CYP7A1: variants seen among roughly 807,000 people sequenced by gnomAD.
The protein encoded by CYP7A1 is cytochrome P450 7A1.
In CYP7A1, 28 loss-of-function variants were observed where a neutral mutation model predicts 43.8. The observed-to-expected ratio is 0.64, with a 90% CI of 0.47 to 0.88. CYP7A1 has a LOEUF of 0.88. Among genes scored for constraint, CYP7A1 ranks in the 40% least tolerant of loss-of-function variants. CYP7A1 has a pLI of 0.00. For missense variants in CYP7A1, 637 were observed against 611.9 expected (o/e 1.04, Z -0.43); for synonymous variants, 227 against 222.5 (o/e 1.02, Z -0.18).
chr8:58,498,000 C>A lies in CYP7A1; in HGVS notation c.321+229G>T, dbSNP rs562826590. ...GTAGAGCATTTAATCTGTATTTCAC[C>A]CTCATTAGCTCGTCAACAAATGACA... is the stretch of plus-strand genomic sequence containing the variant. On this transcript the variant is annotated intron_variant, in intron 2 of 5. Coordinates refer to ENST00000301645, the MANE Select transcript of CYP7A1 (RefSeq NM_000780.4). 2.0e-5 allele frequency among the ~76,000 whole-genome samples: 3 copies of A among 152,254 alleles called. No homozygotes were observed. In the South Asian group the frequency reaches 6.2e-4, roughly 32 times the overall value.
In CYP7A1 at chr8:58,497,089, G is replaced by C. The variant is rs1448734327; in HGVS notation, c.423C>G (p.Leu141=). The change falls in exon 3 of 6, where the codon CTC becomes CTG. Residue 141 remains leucine, a synonymous_variant. Coordinates refer to ENST00000301645, the MANE Select transcript of CYP7A1 (RefSeq NM_000780.4). The stretch of plus-strand genomic sequence containing the variant: ...GGAGGTTTTCCATCATGCTTTCCGT[G>C]AGGGAATTCAAGGCATGGCCCTGCA... The part of the protein sequence containing the change: ...KTLQGHALNS[L]TESMMENLQR... The C allele has an allele frequency of 1.2e-6, 2 of 1,601,274 alleles. No homozygotes were observed. Among genetic ancestry groups the C allele is most frequent in the African/African-American group, 2.7e-5 (2 of 74,916 alleles).
chr8:58,499,480 C>A (rs1169355068), intron 1 of CYP7A1, among the ~76,000 whole-genome samples: 1 of 152,190 alleles, frequency 6.6e-6, no homozygotes, highest in African/African-American at 2.4e-5. Context: ...AGCAAACTTT[C>A]CCAATTCACC....
intron 3 of CYP7A1, 61 bp downstream of exon 3, chr8:58,496,543 A>G: frequency 7.3e-7 from 1 of 1,366,474 alleles, no homozygotes; most frequent in South Asian, 1.2e-5. Context: ...TTAAAGTTAA[A>G]GTGGTTTAAT....
chr8:58,492,333 T>A lies in CYP7A1; in HGVS notation c.1215+20A>T, dbSNP rs1345732844. ...GGTAGCTATCACCTGGATATTGAAT[T>A]TCAATGGGCAGGCACTTACCAAAGG... On this transcript the variant is annotated intron_variant, in intron 5 of 5. Coordinates refer to ENST00000301645, the MANE Select transcript of CYP7A1 (RefSeq NM_000780.4). 1 of 1,598,984 alleles carries A rather than the reference T, an allele frequency of 6.3e-7. No homozygotes were observed. Among genetic ancestry groups the A allele is most frequent in the Non-Finnish European group, 8.6e-7 (1 of 1,166,374 alleles).
intron 5 of CYP7A1, 84 bp downstream of exon 5, chr8:58,492,269 C>A: frequency 8.7e-7 from 1 of 1,153,378 alleles, no homozygotes; most frequent in East Asian, 2.3e-5. Flanking sequence ...ATGATAAAAT[C>A]AATTCTACCA....
chr8:58,495,398 T>C (rs1391975718), intron 3 of CYP7A1, among the ~76,000 whole-genome samples: 1 of 151,772 alleles, frequency 6.6e-6, no homozygotes, highest in African/African-American at 2.4e-5. Context: ...GCTAATTTTT[T>C]GTATGTTTTT....
At chr8:58,495,614 T>A (rs954386501) in intron 3 of CYP7A1, among the ~76,000 whole-genome samples, 1 of 152,220 alleles carries the variant, frequency 6.6e-6, no homozygotes, top group African/African-American at 2.4e-5. Flanking sequence ...AAGTTGAGTC[T>A]CAAAATGTTT....
At chr8:58,498,052 A>G (rs1809474864) in intron 2 of CYP7A1, among the ~76,000 whole-genome samples, 177 bp downstream of exon 2, 1 of 152,206 alleles carries the variant, frequency 6.6e-6, no homozygotes, top group African/African-American at 2.4e-5. Context: ...GACTTTCTAA[A>G]TGATTATTAC....
At chr8:58,499,756 G>T (rs1439354815) in intron 1 of CYP7A1, among the ~76,000 whole-genome samples, 1 of 152,034 alleles carries the variant, frequency 6.6e-6, no homozygotes, top group African/African-American at 2.4e-5. Flanking sequence ...TACAATTTCT[G>T]TCAGTTATGT....
Position 58,490,451 on chromosome 8 carries a change from AAGCTGCACTT to A in CYP7A1, c.*1014_*1023del, listed in dbSNP as rs1269462126. 6.6e-6 allele frequency: 1 copy of A among 152,200 alleles called. No individual in the cohort carries two copies. Among genetic ancestry groups the A allele is most frequent in the Non-Finnish European group, 1.5e-5 (1 of 68,028 alleles). The allele number at this position is 152,200 out of a possible 1,614,324, so 9.4% of individuals were successfully genotyped here. On this transcript the variant is annotated 3_prime_UTR_variant, in exon 6 of 6. Coordinates refer to ENST00000301645, the MANE Select transcript of CYP7A1 (RefSeq NM_000780.4). ...AAGCATTTAAATAAAACATAATGTC[AAGCTGCACTT>A]AATACACTCCACATGTTTCATAACC...
intron 1 of CYP7A1, among the ~76,000 whole-genome samples, chr8:58,499,223 A>G (rs1019477363): frequency 6.6e-6 from 1 of 152,192 alleles, no homozygotes; most frequent in African/African-American, 2.4e-5. Context: ...TTAAAAGTAA[A>G]AACTATCAGG....
chr8:58,491,569 G>T lies in CYP7A1; in HGVS notation c.1421C>A (p.Ala474Asp). ...YFELELIEGQ[A>D]KCPPLDQSRA... ...GGACTGGTCCAAAGGTGGACATTTA[G>T]CTTGGCCCTCTATAAGCTCCAATTC... The change falls in exon 6 of 6, where the codon GCT becomes GAT. Residue 474 changes from alanine (A) to aspartate (D), a missense_variant. Ala to Asp is a moderately radical substitution (Grantham distance 126, BLOSUM62 -2). Transcript: ENST00000301645. The T allele has an allele frequency of 6.2e-7, 1 of 1,614,166 alleles. No individual in the cohort carries two copies. Among genetic ancestry groups the T allele is most frequent in the Non-Finnish European group, 8.5e-7 (1 of 1,180,022 alleles).
chr8:58,494,778 T>C (rs1306415160), intron 3 of CYP7A1, 142 bp from the exon 4 acceptor site: 7 of 766,288 alleles, frequency 9.1e-6, no homozygotes, highest in Non-Finnish European at 1.5e-5. Flanking sequence ...GATATTCCTG[T>C]TTGCATTTAC....
In CYP7A1 at chr8:58,491,600, A is replaced by G. The variant is rs1293307020; in HGVS notation, c.1390T>C (p.Tyr464His). ...CCCTCTATAAGCTCCAATTCAAAAT[A>G]AGAAAGCATCAGAATCAAAAATTGC... ...IKQFLILMLS[Y>H]FELELIEGQA... The change falls in exon 6 of 6, where the codon TAT (tyrosine) becomes CAT (histidine). Residue 464 changes from tyrosine (Y) to histidine (H), a missense_variant. Physicochemically the swap from Tyr to His is moderately conservative, Grantham distance 83. Coordinates refer to ENST00000301645, the MANE Select transcript of CYP7A1 (RefSeq NM_000780.4). 2 of 1,614,122 alleles carry G rather than the reference A, an allele frequency of 1.2e-6. No individual in the cohort carries two copies. Among genetic ancestry groups the G allele is most frequent in the Non-Finnish European group, 8.5e-7 (1 of 1,180,044 alleles).
chr8:58,494,582 A>G lies in CYP7A1; in HGVS notation c.963T>C (p.Asn321=). The change falls in exon 4 of 6, where the codon AAT becomes AAC. Residue 321 remains asparagine, a synonymous_variant. Coordinates refer to ENST00000301645, the MANE Select transcript of CYP7A1 (RefSeq NM_000780.4). ...CTTCCAAGCTGACTTTTTGACCAGC[A>G]TTCTCTAATGTTCTTTTCACTTCTT... ...ATEEVKRTLE[N]AGQKVSLEGN... is the part of the protein sequence containing the mutation. 3 of 1,614,134 alleles carry G rather than the reference A, an allele frequency of 1.9e-6. No homozygotes were observed. Among genetic ancestry groups the G allele is most frequent in the Non-Finnish European group, 2.5e-6 (3 of 1,179,998 alleles).
At chr8:58,497,761 T>A (rs1283448571) in intron 2 of CYP7A1, among the ~76,000 whole-genome samples, 1 of 152,068 alleles carries the variant, frequency 6.6e-6, no homozygotes, top group Non-Finnish European at 1.5e-5. Flanking sequence ...AGTAAGTAGT[T>A]ATTGGTTTTT....
intron 2 of CYP7A1, 42 bp downstream of exon 2, chr8:58,498,187 T>C (rs539045136): frequency 6.2e-7 from 1 of 1,609,828 alleles, no homozygotes; most frequent in South Asian, 1.1e-5. Context: ...CATAAAAAGG[T>C]AGAAGACAAA....
chr8:58,497,009 G>C lies in CYP7A1; in HGVS notation c.503C>G (p.Thr168Arg). ...GTAGCAGAAAGAATACATCCCTTCTGTCACCCAGGCAGCGGTCTTTGAGTT... is the reference window on the plus strand; with the variant it reads ...GTAGCAGAAAGAATACATCCCTTCTCTCACCCAGGCAGCGGTCTTTGAGTT... ...SSNSKTAAWV[T>R]EGMYSFCYRV... The change falls in exon 3 of 6, where the codon ACA (threonine) becomes AGA (arginine). Residue 168 changes from threonine (T) to arginine (R), a missense_variant. Coordinates refer to ENST00000301645, the MANE Select transcript of CYP7A1 (RefSeq NM_000780.4). 6.2e-7 allele frequency: 1 copy of C among 1,613,126 alleles called. No individual in the cohort carries two copies. Among genetic ancestry groups the C allele is most frequent in the Non-Finnish European group, 8.5e-7 (1 of 1,180,034 alleles).
chr8:58,491,709 T>A lies in CYP7A1; in HGVS notation c.1281A>T (p.Gly427=). 6.2e-7 allele frequency: 1 copy of A among 1,613,328 alleles called. No homozygotes were observed. The highest frequency in any genetic ancestry group is 1.6e-4 in the Middle Eastern group (1 of 6,062). ...GCATGTAGTAATACTTTAACTTGAG[T>A]CCATTACAATAGAAGGTAGTCTTTG... ...GKTKTTFYCN[G]LKLKYYYMPF... is the part of the protein sequence containing the mutation. The change falls in exon 6 of 6, where the codon GGA becomes GGT. Residue 427 remains glycine (G), a synonymous_variant. Transcript: ENST00000301645.
Sources: allele counts gnomAD v4.1 joint callset (sites outside exome capture counted in the v4.1 genomes callset), GRCh38; gene constraint gnomAD v4.1.1; transcripts MANE v1.5; gene names NCBI Gene and HGNC (gene_info 2026-07-23, HGNC 2026-07-21).